Variants in FCHO2 observed in about 807,000 individuals in gnomAD.
The protein encoded by FCHO2 is F-BAR domain only protein 2.
Under a neutral mutation model 114.1 loss-of-function variants are expected in FCHO2, and 43 were observed. That is an observed-to-expected ratio of 0.38 (90% CI 0.30 to 0.49). The LOEUF is 0.49. Among genes scored for constraint, FCHO2 ranks in the 20% least tolerant of loss-of-function variants. The pLI is 0.97. For missense variants in FCHO2, 807 were observed against 950.4 expected (o/e 0.85, Z 1.98); for synonymous variants, 293 against 315.2 (o/e 0.93, Z 0.75).
At chr5:72,987,393 G>A (rs917768878) in intron 2 of FCHO2, among the ~76,000 whole-genome samples, 1 of 151,586 alleles carries the variant, frequency 6.6e-6, no homozygotes, top group African/African-American at 2.4e-5. Context: ...GCTGGAGTGC[G>A]GTGGCATGAT....
chr5:73,046,502 TG>T (rs1320136082), intron 11 of FCHO2, among the ~76,000 whole-genome samples: 1 of 152,210 alleles, frequency 6.6e-6, no homozygotes, highest in Non-Finnish European at 1.5e-5. Flanking sequence ...TCTAAACAAA[TG>T]GTGTATTCTA....
chr5:73,006,868 A>C (rs1019542258), intron 6 of FCHO2, among the ~76,000 whole-genome samples: 6 of 152,176 alleles, frequency 3.9e-5, no homozygotes, highest in African/African-American at 1.4e-4. Flanking sequence ...CTTAGTAGTG[A>C]GGCTACGGCA....
chr5:72,956,311 G>A (rs1248287507), intron 1 of FCHO2, among the ~76,000 whole-genome samples, 182 bp downstream of exon 1: 2 of 151,796 alleles, frequency 1.3e-5, no homozygotes, highest in Admixed American at 1.3e-4. Flanking sequence ...GGACTCCCGG[G>A]CTCGCAGCCC....
chr5:73,074,036 TACTTC>T (rs1370092032), intron 19 of FCHO2, among the ~76,000 whole-genome samples: 3 of 152,212 alleles, frequency 2.0e-5, no homozygotes, highest in Admixed American at 6.6e-5. Flanking sequence ...TTTGAGGGGA[TACTTC>T]ACTTAGGTTA....
intron 24 of FCHO2, 108 bp from the exon 25 acceptor site, chr5:73,087,480 TA>T: frequency 1.6e-6 from 2 of 1,246,048 alleles, no homozygotes; most frequent in African/African-American, 1.5e-5. Flanking sequence ...TGTGCACATC[TA>T]ATGAATGTAG....
chr5:72,979,736 G>A (rs1024788718), intron 2 of FCHO2, among the ~76,000 whole-genome samples: 4 of 152,136 alleles, frequency 2.6e-5, no homozygotes, highest in Non-Finnish European at 5.9e-5. Context: ...TTGCATAGTG[G>A]TGTTTCTAGT....
intron 10 of FCHO2, among the ~76,000 whole-genome samples, chr5:73,040,018 G>T (rs1475185188): frequency 6.6e-6 from 1 of 150,656 alleles, no homozygotes; most frequent in African/African-American, 2.4e-5. Flanking sequence ...CTTCGTTTTG[G>T]ATTAAGAGCA....
intron 8 of FCHO2, among the ~76,000 whole-genome samples, chr5:73,027,995 C>T (rs1309689105): frequency 2.0e-5 from 3 of 151,938 alleles, no homozygotes; most frequent in Non-Finnish European, 2.9e-5. Context: ...CCCAGGAAGT[C>T]GAGACCAGCC....
At position 73,011,510 on chromosome 5, in the gene FCHO2, G is replaced by A. The variant is rs763343057; in HGVS notation, c.601-4116G>A. Among the ~76,000 whole-genome samples the A allele has an allele frequency of 1.6e-4, 24 of 151,194 alleles. 1 individual carries two copies. Among genetic ancestry groups the A allele is most frequent in the South Asian group, 4.2e-4 (2 of 4,778 alleles). ...TTTTCCTAAAAACTAAGACACAAAC[G>A]CACACAGTAAACATGTGCCTACATA... On this transcript the variant is annotated intron_variant, in intron 6 of 25. Coordinates refer to ENST00000430046, the MANE Select transcript of FCHO2 (RefSeq NM_138782.3).
At position 73,009,528 on chromosome 5, in the gene FCHO2, T is replaced by G. The variant is rs972105052; in HGVS notation, c.600+2979T>G. The stretch of plus-strand genomic sequence containing the variant: ...TAATTGTTCATCCTGCCTTTCTGGT[T>G]TTTTTGTTTGTTTTTTGTTGTTTTT... On this transcript the variant is annotated intron_variant, in intron 6 of 25. Transcript: ENST00000430046. Among the ~76,000 whole-genome samples the G allele has an allele frequency of 2.6e-5, 4 of 152,288 alleles. No homozygotes were observed. The East Asian group carries it at 5.8e-4, about 22-fold the overall frequency.
intron 6 of FCHO2, among the ~76,000 whole-genome samples, chr5:73,013,694 G>A (rs962003775): frequency 6.6e-6 from 1 of 152,112 alleles, no homozygotes; most frequent in African/African-American, 2.4e-5. Context: ...CCAAGATGGA[G>A]TCTCACTCTG....
At position 72,997,877 on chromosome 5, in the gene FCHO2, G is replaced by A. The variant is rs189376604; in HGVS notation, c.495+7013G>A. On this transcript the variant is annotated intron_variant, in intron 5 of 25. Transcript: ENST00000430046. ...TGTTCACACTCCATGTGTGAATGGAGTTCAGGCTGGGAGACAGGCAGAGGC... is the reference window on the plus strand; with the variant it reads ...TGTTCACACTCCATGTGTGAATGGAATTCAGGCTGGGAGACAGGCAGAGGC... Among the ~76,000 whole-genome samples, 214 of 152,360 alleles carry A rather than the reference G, an allele frequency of 1.4e-3. 1 individual carries two copies. Among genetic ancestry groups the A allele is most frequent in the Admixed American group, 3.2e-3 (49 of 15,312 alleles).
chr5:73,062,777 T>C (rs1235871903), intron 17 of FCHO2, among the ~76,000 whole-genome samples: 1 of 152,086 alleles, frequency 6.6e-6, no homozygotes, highest in Non-Finnish European at 1.5e-5. Context: ...TCCTACTACC[T>C]CTATGCACCT....
At chr5:72,968,764 TAGTGGCTCAA>T (rs1203589916) in intron 2 of FCHO2, among the ~76,000 whole-genome samples, 175 bp downstream of exon 2, 1 of 152,186 alleles carries the variant, frequency 6.6e-6, no homozygotes, top group Non-Finnish European at 1.5e-5. Flanking sequence ...GAGGGCTGTA[TAGTGGCTCAA>T]AGTGGCTCAA....
At chr5:73,050,852 T>C (rs1380390615) in intron 11 of FCHO2, among the ~76,000 whole-genome samples, 1 of 152,202 alleles carries the variant, frequency 6.6e-6, no homozygotes, top group African/African-American at 2.4e-5. Flanking sequence ...TCACTCTTTA[T>C]GGCATGTTGG....
chr5:73,024,442 T>C (rs1394951705), intron 8 of FCHO2, among the ~76,000 whole-genome samples: 3 of 151,460 alleles, frequency 2.0e-5, no homozygotes, highest in Non-Finnish European at 4.4e-5. Flanking sequence ...TTTTTTTTTA[T>C]GTTTTATTTT....
intron 8 of FCHO2, among the ~76,000 whole-genome samples, chr5:73,022,577 C>T (rs1262946868): frequency 2.0e-5 from 3 of 152,156 alleles, no homozygotes; most frequent in African/African-American, 7.2e-5. Flanking sequence ...CATTCGTCCC[C>T]GGAGGAGATC....
rs539485469 is a variant in FCHO2, at chr5:73,089,422, T to G, written c.*1332T>G. On this transcript the variant is annotated 3_prime_UTR_variant, in exon 26 of 26. Coordinates refer to ENST00000430046, the MANE Select transcript of FCHO2 (RefSeq NM_138782.3). Reference sequence around the variant, plus strand: ...AACAATTGGAAAAATTACCAATTTGTACATTTTAATTATTCAATTTCTACT... The same window carrying G: ...AACAATTGGAAAAATTACCAATTTGGACATTTTAATTATTCAATTTCTACT... 28 of 152,282 alleles carry G rather than the reference T, an allele frequency of 1.8e-4. 1 individual carries two copies. The South Asian group carries it at 5.6e-3, about 30-fold the overall frequency. The allele number at this position is 152,282 out of a possible 1,614,324, so 9.4% of individuals were successfully genotyped here. A position where few individuals can be genotyped will look rare whatever the true frequency, so the allele number is the denominator to read the frequency against.
At chr5:73,035,675 G>A (rs1400868028) in intron 9 of FCHO2, among the ~76,000 whole-genome samples, 1 of 151,966 alleles carries the variant, frequency 6.6e-6, no homozygotes. Flanking sequence ...GCTAACTTTT[G>A]TATTTTTTTT....
Sources: gnomAD v4.1 joint callset for allele counts (sites outside exome capture counted in the v4.1 genomes callset) on GRCh38, gnomAD v4.1.1 for gene constraint, MANE v1.5 for transcripts, NCBI Gene and HGNC (gene_info 2026-07-23, HGNC 2026-07-21) for gene names.